TMEM217: variants seen among roughly 807,000 people sequenced by gnomAD.
TMEM217 encodes the protein transmembrane protein 217.
For missense variants in TMEM217, 204 were observed against 248.8 expected, an observed-to-expected ratio of 0.82 and a Z score of 1.21; for synonymous variants, 76 against 88.3, an observed-to-expected ratio of 0.86 and a Z score of 0.78.
intron 1 of TMEM217, among the ~76,000 whole-genome samples, chr6:37,247,155 T>C (rs1466355087): frequency 2.0e-5 from 3 of 152,168 alleles, no homozygotes; most frequent in Non-Finnish European, 4.4e-5. Context: ...AAGTCTACTA[T>C]GATAGACCCC....
At chr6:37,227,136 T>A (rs1163494668) in intron 1 of TMEM217, among the ~76,000 whole-genome samples, 3 of 152,168 alleles carry the variant, frequency 2.0e-5, no homozygotes, top group Admixed American at 1.3e-4. Flanking sequence ...CCTACTTGTG[T>A]CTTGTGGGTT....
intron 1 of TMEM217, among the ~76,000 whole-genome samples, chr6:37,255,550 G>C (rs1020713624): frequency 6.6e-6 from 1 of 152,110 alleles, no homozygotes; most frequent in African/African-American, 2.4e-5. Context: ...GGCCATGGTG[G>C]TATGTGCCTG....
chr6:37,240,515 C>T (rs1764714946), intron 1 of TMEM217, among the ~76,000 whole-genome samples: 1 of 151,848 alleles, frequency 6.6e-6, no homozygotes, highest in African/African-American at 2.4e-5. Context: ...AGAGAGAGAC[C>T]AAAATGGAAG....
intron 1 of TMEM217, among the ~76,000 whole-genome samples, chr6:37,226,281 C>CTTTTTTTTTTTTTT (rs755752365): frequency 1.3e-5 from 1 of 74,876 alleles, no homozygotes; most frequent in African/African-American, 5.4e-5. Context: ...TTGAGACAGT[C>CTTTTTTTTTTTTTT]TTTTTTTTTT....
chr6:37,222,333 C>G (rs1763571761), intron 1 of TMEM217, among the ~76,000 whole-genome samples: 1 of 152,198 alleles, frequency 6.6e-6, no homozygotes, highest in Non-Finnish European at 1.5e-5. Flanking sequence ...CCCCAGGGCT[C>G]GACCCCAACC....
chr6:37,247,119 G>A (rs186911518), intron 1 of TMEM217, among the ~76,000 whole-genome samples: 1 of 152,264 alleles, frequency 6.6e-6, no homozygotes, highest in East Asian at 1.9e-4. Context: ...AGAGGAAAAG[G>A]TAACATAAGA....
At chr6:37,234,391 C>T (rs542540983) in intron 1 of TMEM217, among the ~76,000 whole-genome samples, 14 of 152,340 alleles carry the variant, frequency 9.2e-5, no homozygotes, top group Non-Finnish European at 1.5e-4. Context: ...TGAGCCACCA[C>T]GCCTTGCCAC....
chr6:37,219,097 A>G (rs41272214), intron 1 of TMEM217, 56 bp from the exon 2 acceptor site: 2 of 1,489,406 alleles, frequency 1.3e-6, no homozygotes, highest in Non-Finnish European at 1.8e-6. Context: ...ATGGTAAATT[A>G]CCAGGGTTTC....
intron 1 of TMEM217, among the ~76,000 whole-genome samples, chr6:37,236,344 C>T (rs537439426): frequency 5.9e-5 from 9 of 152,116 alleles, no homozygotes; most frequent in Admixed American, 1.3e-4. Context: ...TTATCATTTG[C>T]CAATCTGCAG....
chr6:37,257,802 A>G lies in TMEM217; in HGVS notation c.-246T>C, dbSNP rs1387620367. Reference sequence around the variant, plus strand: ...CAAGATGGCGTCCCCAGGAGCTGGGAGCGGGTGACCGGCGGCGGGGAAGCG... The same window carrying G: ...CAAGATGGCGTCCCCAGGAGCTGGGGGCGGGTGACCGGCGGCGGGGAAGCG... On this transcript the variant is annotated 5_prime_UTR_variant, in exon 1 of 2. Coordinates refer to ENST00000357219, the Ensembl canonical transcript of TMEM217. 6.7e-5 allele frequency: 76 copies of G among 1,141,484 alleles called. 1 individual carries two copies. The highest frequency in any genetic ancestry group is 2.0e-5 in the Non-Finnish European group (16 of 795,032). 70.7% of individuals were successfully genotyped at this position (1,141,484 alleles called of 1,614,324 possible).
chr6:37,218,703 C>T lies in TMEM217; in HGVS notation c.328G>A (p.Val110Ile), dbSNP rs138357357. Residue 110 changes from valine (V) to isoleucine (I), a missense_variant, in exon 2 of 2, where the codon GTA (valine) becomes ATA (isoleucine). Transcript: ENST00000357219. ...TCATTGTTGGTGAGGATTTGTATTA[C>T]GACGTTTGCAGTTTCATAGAAAAAA... is the stretch of plus-strand genomic sequence containing the variant. 255 of 1,614,040 alleles carry T rather than the reference C, an allele frequency of 1.6e-4. 1 individual carries two copies. Among genetic ancestry groups the T allele is most frequent in the African/African-American group, 4.3e-4 (32 of 74,980 alleles).
At chr6:37,229,275 T>G (rs1764033605) in intron 1 of TMEM217, among the ~76,000 whole-genome samples, 1 of 148,262 alleles carries the variant, frequency 6.7e-6, no homozygotes. Flanking sequence ...CCTTGTCCTG[T>G]GGGAGGTCGC....
At chr6:37,247,226 A>G (rs1278499790) in intron 1 of TMEM217, among the ~76,000 whole-genome samples, 1 of 152,100 alleles carries the variant, frequency 6.6e-6, no homozygotes, top group African/African-American at 2.4e-5. Flanking sequence ...TACCATGTAG[A>G]GCTACTTATG....
At chr6:37,212,929 G>A (rs1442837492), downstream of TMEM217, 1 of 1,550,424 alleles carries the variant, frequency 6.4e-7, no homozygotes, top group Non-Finnish European at 8.7e-7. Context: ...ATTAAGGACA[G>A]AGAAGATGCC....
intron 1 of TMEM217, among the ~76,000 whole-genome samples, chr6:37,236,004 T>C (rs1000324014): frequency 6.6e-5 from 10 of 152,170 alleles, no homozygotes; most frequent in African/African-American, 1.9e-4. Context: ...AAAATATTCA[T>C]ACTAGAAAAA....
intron 1 of TMEM217, among the ~76,000 whole-genome samples, chr6:37,252,635 A>ATTT (rs1489045294): frequency 7.0e-4 from 42 of 60,382 alleles, no homozygotes; most frequent in Admixed American, 1.7e-3. Context: ...ATATATATAT[A>ATTT]TATTTTTTTT....
At chr6:37,245,939 A>C (rs993990555) in intron 1 of TMEM217, among the ~76,000 whole-genome samples, 1 of 151,964 alleles carries the variant, frequency 6.6e-6, no homozygotes, top group Non-Finnish European at 1.5e-5. Context: ...AGCTGTAATC[A>C]CAGGCGTGCA....
At chr6:37,222,739 G>T (rs759499811) in intron 1 of TMEM217, among the ~76,000 whole-genome samples, 1 of 152,250 alleles carries the variant, frequency 6.6e-6, no homozygotes, top group Non-Finnish European at 1.5e-5. Flanking sequence ...TGCCTGCTCC[G>T]TAGAGCCGGA....
intron 1 of TMEM217, among the ~76,000 whole-genome samples, chr6:37,225,235 T>C (rs935106614): frequency 1.3e-5 from 2 of 151,968 alleles, no homozygotes; most frequent in African/African-American, 4.8e-5. Flanking sequence ...AGTAAGAGGA[T>C]AATAGATACA....
Sources: gnomAD v4.1 joint callset for allele counts (sites outside exome capture counted in the v4.1 genomes callset) on GRCh38, gnomAD v4.1.1 for gene constraint, MANE v1.5 for transcripts, NCBI Gene and HGNC (gene_info 2026-07-23, HGNC 2026-07-21) for gene names.